Variants in MEIKIN observed in about 807,000 individuals in gnomAD.
MEIKIN encodes the protein meiosis-specific kinetochore protein.
chr5:131,841,605 T>C (rs1369149044), intron 11 of MEIKIN, among the ~76,000 whole-genome samples: 5 of 152,200 alleles, frequency 3.3e-5, no homozygotes, highest in Non-Finnish European at 5.9e-5. Flanking sequence ...AATTTTAGGA[T>C]TGTTTTTTCT....
At chr5:131,905,372 C>T (rs1223469449) in intron 8 of MEIKIN, among the ~76,000 whole-genome samples, 9 of 151,898 alleles carry the variant, frequency 5.9e-5, no homozygotes, top group Non-Finnish European at 1.2e-4. Context: ...CAACCTAATA[C>T]CGCAACTAGA....
chr5:131,819,596 TC>T lies in MEIKIN; in HGVS notation c.976-734del, dbSNP rs1202862368. ...TTTAAATAAAGTCTATATAGAAACT[TC>T]CTTTTTTTTTTTTTTTTCTTGAGAC... is the stretch of plus-strand genomic sequence containing the variant. On this transcript the variant is annotated intron_variant, in intron 11 of 12. Transcript: ENST00000442687. Among the ~76,000 whole-genome samples, 425 of 114,612 alleles carry T rather than the reference TC, an allele frequency of 3.7e-3. 1 individual carries two copies. Among genetic ancestry groups the T allele is most frequent in the Middle Eastern group, 0.015 (3 of 200 alleles). The allele number at this position is 114,612 out of a possible 152,430, so 75.2% of individuals were successfully genotyped here.
chr5:131,848,565 C>T (rs1269568509), intron 11 of MEIKIN, among the ~76,000 whole-genome samples: 4 of 152,170 alleles, frequency 2.6e-5, no homozygotes, highest in Non-Finnish European at 4.4e-5. Context: ...AGCCCTAATT[C>T]TGATGCCTTC....
intron 11 of MEIKIN, among the ~76,000 whole-genome samples, chr5:131,822,577 A>G (rs1046733753): frequency 6.6e-6 from 1 of 152,172 alleles, no homozygotes; most frequent in Admixed American, 6.5e-5. Context: ...TTAAAACTCT[A>G]TAACTTTGTC....
intron 7 of MEIKIN, among the ~76,000 whole-genome samples, chr5:131,913,949 A>C (rs1202893883): frequency 6.6e-6 from 1 of 152,208 alleles, no homozygotes; most frequent in Non-Finnish European, 1.5e-5. Context: ...ATTGAGAGAC[A>C]GGGTCTTTAA....
chr5:131,887,271 G>T (rs1202896909), intron 8 of MEIKIN, among the ~76,000 whole-genome samples: 1 of 152,070 alleles, frequency 6.6e-6, no homozygotes. Flanking sequence ...TTGCTATTGT[G>T]AAGAGTGCTG....
At chr5:131,889,855 A>C (rs1750875513) in intron 8 of MEIKIN, among the ~76,000 whole-genome samples, 1 of 152,156 alleles carries the variant, frequency 6.6e-6, no homozygotes, top group Non-Finnish European at 1.5e-5. Context: ...GGTTTGTCAT[A>C]GATAGCTTTT....
chr5:131,890,011 C>T (rs975357291), intron 8 of MEIKIN, among the ~76,000 whole-genome samples: 22 of 152,124 alleles, frequency 1.4e-4, no homozygotes, highest in Non-Finnish European at 2.9e-4. Flanking sequence ...TGCTGGATTA[C>T]GTTTACTGAT....
intron 12 of MEIKIN, among the ~76,000 whole-genome samples, chr5:131,813,965 C>T (rs899504885): frequency 2.6e-5 from 4 of 152,098 alleles, no homozygotes; most frequent in Admixed American, 6.5e-5. Context: ...ACTTGGAGTT[C>T]GATGTTAGAG....
At chr5:131,854,710 G>T (rs1750166705) in intron 10 of MEIKIN, 44 bp downstream of exon 10, 2 of 397,096 alleles carry the variant, frequency 5.0e-6, no homozygotes, top group East Asian at 7.2e-5. Flanking sequence ...GGGAGAGGAG[G>T]AGCCAGAAAA....
intron 4 of MEIKIN, among the ~76,000 whole-genome samples, chr5:131,936,980 CT>C (rs1371981042): frequency 1.3e-5 from 2 of 151,968 alleles, no homozygotes; most frequent in African/African-American, 2.4e-5. Context: ...GTCTTTTCTT[CT>C]TTTTTAAAAA....
At position 131,851,359 on chromosome 5, in the gene MEIKIN, C is replaced by T. The variant is rs1030249438; in HGVS notation, c.880G>A (p.Ala294Thr). 1 of 397,926 alleles carries T rather than the reference C, an allele frequency of 2.5e-6. No homozygotes were observed. Among genetic ancestry groups the T allele is most frequent in the Non-Finnish European group, 4.4e-6 (1 of 225,486 alleles). The allele number at this position is 397,926 out of a possible 1,614,324, so 24.6% of individuals were successfully genotyped here. A position where few individuals can be genotyped will look rare whatever the true frequency, so the allele number is the denominator to read the frequency against. ...TTTGGAAATAGTTCTTCAAAAGATG[C>T]TTTTTGCACTGAGGACAAATCAATC... ...FVIDLSSVQK[A>T]SFEELFPNVS... is the part of the protein sequence containing the mutation. The change falls in exon 11 of 13, where the codon GCA becomes ACA. Residue 294 changes from alanine (A) to threonine (T), a missense_variant. Physicochemically the swap from Ala to Thr is moderately conservative, Grantham distance 58 (BLOSUM62 0). Coordinates refer to ENST00000442687, the MANE Select transcript of MEIKIN (RefSeq NM_001303622.2).
At chr5:131,836,181 A>G (rs939820338) in intron 11 of MEIKIN, among the ~76,000 whole-genome samples, 4 of 152,214 alleles carry the variant, frequency 2.6e-5, no homozygotes, top group Non-Finnish European at 5.9e-5. Flanking sequence ...GTTGCTAAGA[A>G]TAATGGCCTC....
In MEIKIN at chr5:131,872,026, C is replaced by G. The variant is rs184656708; in HGVS notation, c.774+6952G>C. Among the ~76,000 whole-genome samples the G allele has an allele frequency of 2.5e-3, 382 of 151,486 alleles. 3 individuals are homozygous for G. Among genetic ancestry groups the G allele is most frequent in the Admixed American group, 6.9e-3 (104 of 15,166 alleles). On this transcript the variant is annotated intron_variant, in intron 9 of 12. Transcript: ENST00000442687. ...TCACCATCATCAAAGACCAAAGGTACATAAAACCACAAAGATGGGGAAAAA... is the reference window on the plus strand; with the variant it reads ...TCACCATCATCAAAGACCAAAGGTAGATAAAACCACAAAGATGGGGAAAAA...
Position 131,842,763 on chromosome 5 carries a change from T to A in MEIKIN, c.975+8501A>T, listed in dbSNP as rs6867686. Among the ~76,000 whole-genome samples, 713 of 152,374 alleles carry A rather than the reference T, an allele frequency of 4.7e-3. 8 individuals are homozygous for A. The highest frequency in any genetic ancestry group is 0.016 in the African/African-American group (677 of 41,598). ...CTTAACTTCAATCACATACATTCTATGCTTTTACTCCACCCTTCCACATTT... is the reference window on the plus strand; with the variant it reads ...CTTAACTTCAATCACATACATTCTAAGCTTTTACTCCACCCTTCCACATTT... On this transcript the variant is annotated intron_variant, in intron 11 of 12. Transcript: ENST00000442687.
At chr5:131,917,140 T>G (rs1751425966) in intron 6 of MEIKIN, among the ~76,000 whole-genome samples, 1 of 152,216 alleles carries the variant, frequency 6.6e-6, no homozygotes, top group Non-Finnish European at 1.5e-5. Flanking sequence ...TCCCTTGTAT[T>G]TGAATAGTTC....
chr5:131,872,110 T>A (rs1344396942), intron 9 of MEIKIN, among the ~76,000 whole-genome samples: 1 of 152,020 alleles, frequency 6.6e-6, no homozygotes, highest in Admixed American at 6.6e-5. Context: ...TCCAAAGGAA[T>A]GCAGCTCCTC....
intron 8 of MEIKIN, among the ~76,000 whole-genome samples, chr5:131,893,124 A>G (rs986791818): frequency 6.6e-6 from 1 of 151,842 alleles, no homozygotes; most frequent in African/African-American, 2.4e-5. Context: ...AGGCTGTCAG[A>G]CAGGGGCATT....
intron 11 of MEIKIN, among the ~76,000 whole-genome samples, chr5:131,831,304 C>A (rs929323247): frequency 2.0e-5 from 3 of 152,178 alleles, no homozygotes; most frequent in African/African-American, 7.2e-5. Flanking sequence ...AATTCCAACA[C>A]TTTGGGAGGC....
Sources: allele counts gnomAD v4.1 joint callset (sites outside exome capture counted in the v4.1 genomes callset), GRCh38; gene constraint gnomAD v4.1.1; transcripts MANE v1.5; gene names NCBI Gene and HGNC (gene_info 2026-07-23, HGNC 2026-07-21).